ANKRD13C: variants seen among roughly 807,000 people sequenced by gnomAD.
ANKRD13C encodes ankyrin repeat domain-containing protein 13C.
ANKRD13C carries 16 observed loss-of-function variants against 65.5 expected under a neutral mutation model. That is an observed-to-expected ratio of 0.24 (90% CI 0.17 to 0.37). ANKRD13C has a LOEUF of 0.37. ANKRD13C is among the 10% of genes least tolerant of loss of function. The probability of loss-of-function intolerance (pLI) is 1.00; values close to 1 mark genes in which losing one functional copy is unlikely to be tolerated. For synonymous variants in ANKRD13C, 235 were observed against 238.7 expected (o/e 0.98, Z 0.14); for missense variants, 503 against 655.9 (o/e 0.77, Z 2.55).
intron 1 of ANKRD13C, among the ~76,000 whole-genome samples, chr1:70,339,020 A>G (rs1011592682): frequency 6.6e-6 from 1 of 152,146 alleles, no homozygotes; most frequent in Non-Finnish European, 1.5e-5. Context: ...CCAGGAGTTC[A>G]GAACAGCCTG....
At chr1:70,291,403 T>TA (rs747532992) in intron 9 of ANKRD13C, among the ~76,000 whole-genome samples, 10 of 152,196 alleles carry the variant, frequency 6.6e-5, no homozygotes, top group Admixed American at 2.0e-4. Context: ...ATTATACAAA[T>TA]AAAAAATAAA....
intron 1 of ANKRD13C, among the ~76,000 whole-genome samples, chr1:70,346,843 G>A (rs1275096612): frequency 1.3e-5 from 2 of 152,080 alleles, no homozygotes; most frequent in African/African-American, 2.4e-5. Context: ...TGTAATCCCA[G>A]CATTTTGGGA....
At chr1:70,313,938 A>AT in intron 4 of ANKRD13C, 148 bp from the exon 5 acceptor site, 1 of 498,926 alleles carries the variant, frequency 2.0e-6, no homozygotes. Context: ...ATTTTATAAT[A>AT]TTTTAATTAC....
intron 6 of ANKRD13C, among the ~76,000 whole-genome samples, chr1:70,302,749 A>G (rs1680428881): frequency 9.1e-6 from 1 of 109,532 alleles, no homozygotes; most frequent in Non-Finnish European, 1.8e-5. Flanking sequence ...AAAAAAAAAA[A>G]AAAAAAGAAA....
At chr1:70,338,347 C>CCTA (rs1682149999) in intron 1 of ANKRD13C, among the ~76,000 whole-genome samples, 1 of 152,106 alleles carries the variant, frequency 6.6e-6, no homozygotes, top group Admixed American at 6.6e-5. Flanking sequence ...CAGTTTTCAT[C>CCTA]CTACTACTAA....
intron 4 of ANKRD13C, among the ~76,000 whole-genome samples, chr1:70,314,144 A>T (rs1377341326): frequency 6.6e-6 from 1 of 152,092 alleles, no homozygotes; most frequent in Non-Finnish European, 1.5e-5. Flanking sequence ...CCATTGTAAT[A>T]GAAAATATTT....
chr1:70,298,103 AAGTT>A (rs1680174209), intron 7 of ANKRD13C, among the ~76,000 whole-genome samples: 1 of 152,182 alleles, frequency 6.6e-6, no homozygotes, highest in Non-Finnish European at 1.5e-5. Context: ...CTTTAAAAAA[AAGTT>A]AGGTTGCAGT....
chr1:70,304,184 A>G (rs1049938257), intron 6 of ANKRD13C, among the ~76,000 whole-genome samples: 4 of 151,024 alleles, frequency 2.6e-5, no homozygotes, highest in African/African-American at 4.9e-5. Flanking sequence ...AGGGACTACA[A>G]GTGCGTGCCA....
intron 8 of ANKRD13C, among the ~76,000 whole-genome samples, chr1:70,293,855 C>T (rs1327944777): frequency 6.6e-6 from 1 of 152,160 alleles, no homozygotes; most frequent in East Asian, 1.9e-4. Flanking sequence ...ATCATATCAA[C>T]AAAATGTTAA....
At chr1:70,325,808 G>C (rs1031408106) in intron 2 of ANKRD13C, among the ~76,000 whole-genome samples, 7 of 152,150 alleles carry the variant, frequency 4.6e-5, no homozygotes, top group African/African-American at 1.4e-4. Context: ...GAACCCGGGA[G>C]GCAGAGGCTG....
intron 3 of ANKRD13C, among the ~76,000 whole-genome samples, chr1:70,319,665 T>A (rs1398795666): frequency 2.7e-5 from 4 of 150,200 alleles, no homozygotes; most frequent in African/African-American, 4.9e-5. Context: ...TTTTTTTTTT[T>A]AATATTTCCA....
chr1:70,351,246 C>G (rs538642308), intron 1 of ANKRD13C, among the ~76,000 whole-genome samples: 84 of 152,292 alleles, frequency 5.5e-4, no homozygotes, highest in Non-Finnish European at 1.0e-3. Flanking sequence ...CTGTCATCAT[C>G]ATGTTGTGAA....
intron 12 of ANKRD13C, among the ~76,000 whole-genome samples, chr1:70,265,848 A>G (rs1481639659): frequency 3.5e-5 from 5 of 143,596 alleles, no homozygotes; most frequent in South Asian, 4.4e-4. Flanking sequence ...AAAAAAAAAA[A>G]AAAGAAAAGA....
intron 3 of ANKRD13C, among the ~76,000 whole-genome samples, chr1:70,316,125 G>A (rs1039151699): frequency 6.6e-6 from 1 of 152,108 alleles, no homozygotes; most frequent in Admixed American, 6.6e-5. Context: ...GGTGTTATCT[G>A]TTCTTTTACC....
chr1:70,315,223 G>A (rs577832106), intron 4 of ANKRD13C, among the ~76,000 whole-genome samples: 8 of 152,176 alleles, frequency 5.3e-5, no homozygotes, highest in African/African-American at 1.7e-4. Context: ...GCCATTAACT[G>A]TGACTTACCT....
chr1:70,345,681 AG>A (rs772949753), intron 1 of ANKRD13C, among the ~76,000 whole-genome samples: 3 of 152,226 alleles, frequency 2.0e-5, no homozygotes, highest in Non-Finnish European at 2.9e-5. Context: ...CAATCTGACT[AG>A]AACAGTCTTT....
At chr1:70,350,399 C>T (rs967167079) in intron 1 of ANKRD13C, among the ~76,000 whole-genome samples, 2 of 152,152 alleles carry the variant, frequency 1.3e-5, no homozygotes, top group Non-Finnish European at 2.9e-5. Flanking sequence ...AAATACTTCA[C>T]AAACAATGTG....
intron 12 of ANKRD13C, 94 bp from the exon 13 acceptor site, chr1:70,262,941 T>C: frequency 5.4e-6 from 3 of 551,794 alleles, no homozygotes; most frequent in South Asian, 4.6e-5. Context: ...CTCCTTAAAA[T>C]GTAAAAAAAA....
At position 70,262,724 on chromosome 1, in the gene ANKRD13C, T is replaced by C; in HGVS notation, c.1619A>G (p.Asp540Gly). Reference sequence around the variant, plus strand: ...CATCCTTTTCCACGTCAGTTAAAGATCAGGAAAACGGCTTGGGTCTTCCTT... The same window carrying C: ...CATCCTTTTCCACGTCAGTTAAAGACCAGGAAAACGGCTTGGGTCTTCCTT... ...DYKEDPSRFP[D>G]L Residue 540 changes from aspartate to glycine, a missense_variant, in exon 13 of 13, where the codon GAT becomes GGT. This residue lies in a region of ANKRD13C where 300 missense variants were observed against 478.3 expected (regional missense o/e 0.63). Coordinates refer to ENST00000370944, the MANE Select transcript of ANKRD13C (RefSeq NM_030816.5). 1 of 1,612,524 alleles carries C rather than the reference T, an allele frequency of 6.2e-7. No homozygotes were observed. Among genetic ancestry groups the C allele is most frequent in the South Asian group, 1.1e-5 (1 of 90,906 alleles).
Sources: allele counts gnomAD v4.1 joint callset (sites outside exome capture counted in the v4.1 genomes callset), GRCh38; gene constraint gnomAD v4.1.1; regional missense constraint gnomAD v4.1.1; transcripts MANE v1.5; gene names NCBI Gene and HGNC (gene_info 2026-07-23, HGNC 2026-07-21).